The following PUM1 variants were observed in gnomAD, a reference collection of about 807,000 sequenced individuals.
PUM1 encodes the protein pumilio homolog 1.
In PUM1, 13 loss-of-function variants were observed where a neutral mutation model predicts 131.8. That is an observed-to-expected ratio of 0.10 (90% CI 0.06 to 0.16). PUM1 has a LOEUF of 0.16. Ranked by LOEUF, PUM1 falls within the 10% of genes least tolerant of loss-of-function variation. PUM1 has a pLI of 1.00. For missense variants in PUM1, 961 were observed against 1,512.4 expected, an observed-to-expected ratio of 0.64 and a Z score of 6.05; for synonymous variants, 509 against 556.5, an observed-to-expected ratio of 0.91 and a Z score of 1.20.
intron 2 of PUM1, among the ~76,000 whole-genome samples, chr1:31,057,336 G>A (rs934918739): frequency 8.7e-5 from 12 of 137,748 alleles, no homozygotes; most frequent in East Asian, 2.4e-4. Context: ...CAGGGAGACC[G>A]TGGTTGCAGT....
chr1:31,030,552 T>C (rs968711415), intron 2 of PUM1, among the ~76,000 whole-genome samples: 7 of 151,594 alleles, frequency 4.6e-5, no homozygotes, highest in African/African-American at 1.5e-4. Context: ...AAAATAAAAA[T>C]AAAAATAAAA....
chr1:31,038,984 A>ATATATTTTTTTTT, intron 2 of PUM1, among the ~76,000 whole-genome samples: 13 of 49,400 alleles, frequency 2.6e-4, no homozygotes, highest in African/African-American at 8.3e-4. Flanking sequence ...ATATATATAT[A>ATATATTTTTTTTT]TTTTTTTTTT....
intron 7 of PUM1, among the ~76,000 whole-genome samples, chr1:30,981,676 T>TCA (rs930441547): frequency 1.7e-4 from 11 of 63,208 alleles, no homozygotes; most frequent in Admixed American, 1.3e-3. Context: ...AAATACACAC[T>TCA]CTCTCACACA....
chr1:30,944,153 G>A (rs924656190), intron 18 of PUM1, among the ~76,000 whole-genome samples: 1 of 152,106 alleles, frequency 6.6e-6, no homozygotes. Flanking sequence ...CAATAACCAC[G>A]TGGGTTGCTG....
chr1:30,994,673 T>C (rs539561250), intron 6 of PUM1, among the ~76,000 whole-genome samples: 23 of 152,354 alleles, frequency 1.5e-4, no homozygotes, highest in African/African-American at 5.5e-4. Flanking sequence ...CAGAGGGATA[T>C]GACATATTCC....
chr1:31,015,778 T>C (rs186665164), intron 3 of PUM1, among the ~76,000 whole-genome samples: 1 of 151,114 alleles, frequency 6.6e-6, no homozygotes, highest in Non-Finnish European at 1.5e-5. Context: ...GGTTCAAGCA[T>C]TTCTCCTGCC....
At chr1:31,053,114 G>T (rs187326697) in intron 2 of PUM1, among the ~76,000 whole-genome samples, 1 of 150,684 alleles carries the variant, frequency 6.6e-6, no homozygotes, top group African/African-American at 2.4e-5. Context: ...CGATTCAAGC[G>T]ATTTTCCTGC....
intron 7 of PUM1, among the ~76,000 whole-genome samples, chr1:30,984,309 TAC>T (rs1173835718): frequency 6.6e-6 from 1 of 152,204 alleles, no homozygotes; most frequent in Non-Finnish European, 1.5e-5. Flanking sequence ...TAACTGGAAA[TAC>T]AGAGTATTCA....
intron 1 of PUM1, among the ~76,000 whole-genome samples, chr1:31,064,170 T>C (rs969956135): frequency 6.6e-6 from 1 of 152,222 alleles, no homozygotes; most frequent in Non-Finnish European, 1.5e-5. Flanking sequence ...TTTACTAAAA[T>C]GCTTAGTGGT....
chr1:31,043,949 C>T (rs1453669001), intron 2 of PUM1, among the ~76,000 whole-genome samples: 1 of 151,920 alleles, frequency 6.6e-6, no homozygotes, highest in Non-Finnish European at 1.5e-5. Context: ...TATATACTCT[C>T]AAACCTGAGA....
chr1:31,005,555 TG>T (rs1286924553), intron 5 of PUM1, among the ~76,000 whole-genome samples: 1 of 152,164 alleles, frequency 6.6e-6, no homozygotes, highest in Non-Finnish European at 1.5e-5. Flanking sequence ...AAAGTAAAAA[TG>T]GTGTTTTCTG....
intron 12 of PUM1, among the ~76,000 whole-genome samples, chr1:30,966,591 A>G (rs572170310): frequency 1.3e-5 from 2 of 152,310 alleles, no homozygotes; most frequent in South Asian, 4.1e-4. Context: ...AATTCCATAA[A>G]TATCTATGTT....
At chr1:31,008,133 T>C (rs571699263) in intron 3 of PUM1, among the ~76,000 whole-genome samples, 117 of 152,264 alleles carry the variant, frequency 7.7e-4, no homozygotes, top group African/African-American at 2.7e-3. Context: ...CACAAAACAT[T>C]TCCTCTCCTT....
chr1:30,981,501 T>C, intron 7 of PUM1, 96 bp from the exon 8 acceptor site: 1 of 631,724 alleles, frequency 1.6e-6, no homozygotes, highest in Non-Finnish European at 2.8e-6. Context: ...AGCACTTGTT[T>C]AGGCGTGACA....
chr1:30,957,916 A>T (rs1273981227), intron 14 of PUM1, among the ~76,000 whole-genome samples: 2 of 152,248 alleles, frequency 1.3e-5, no homozygotes, highest in African/African-American at 4.8e-5. Context: ...TCTAAATTAA[A>T]TAACCCTGAA....
chr1:30,949,527 C>T (rs1314484342), intron 17 of PUM1, among the ~76,000 whole-genome samples: 2 of 150,672 alleles, frequency 1.3e-5, no homozygotes, highest in East Asian at 3.9e-4. Context: ...TCCTGCAAAG[C>T]CGGCCCTCAG....
chr1:31,011,809 A>C (rs1406176683), intron 3 of PUM1, among the ~76,000 whole-genome samples: 1 of 152,240 alleles, frequency 6.6e-6, no homozygotes, highest in Admixed American at 6.5e-5. Flanking sequence ...CAAGGCGAAA[A>C]GTAACAGATC....
intron 14 of PUM1, among the ~76,000 whole-genome samples, chr1:30,956,346 C>T (rs1401426658): frequency 2.6e-5 from 4 of 152,078 alleles, no homozygotes; most frequent in Non-Finnish European, 5.9e-5. Flanking sequence ...TCACTGCAAT[C>T]TCCGCCTCCC....
chr1:30,995,102 T>C lies in PUM1; in HGVS notation c.839A>G (p.Asn280Ser), dbSNP rs373459171. 104 of 1,614,086 alleles carry C rather than the reference T, an allele frequency of 6.4e-5. No individual in the cohort carries two copies. The highest frequency in any genetic ancestry group is 2.0e-4 in the East Asian group (9 of 44,896). The change falls in exon 6 of 22, where the codon AAT (asparagine) becomes AGT (serine). Residue 280 changes from asparagine (N) to serine (S), a missense_variant. Coordinates refer to ENST00000426105, the MANE Select transcript of PUM1 (RefSeq NM_001020658.2). ...AATCCCATTCTGCACTGGTAAACCA[T>C]TGGTCTTGTCCATCACATCACCCTC... is the stretch of plus-strand genomic sequence containing the variant. The part of the protein sequence containing the change: ...KEEGDVMDKT[N>S]GLPVQNGIDA...
Sources: allele counts gnomAD v4.1 joint callset (sites outside exome capture counted in the v4.1 genomes callset), GRCh38; gene constraint gnomAD v4.1.1; transcripts MANE v1.5; gene names NCBI Gene and HGNC (gene_info 2026-07-23, HGNC 2026-07-21).